NPRL3: variants seen among roughly 807,000 people sequenced by gnomAD.
NPRL3 encodes NPR3 like, GATOR1 complex subunit.
In NPRL3, 23 loss-of-function variants were observed where a neutral mutation model predicts 57.2. The observed-to-expected ratio is 0.40, with a 90% CI of 0.29 to 0.57. The LOEUF (loss-of-function observed/expected upper bound fraction) is 0.57. Among genes scored for constraint, NPRL3 ranks in the 20% least tolerant of loss-of-function variants. NPRL3 has a pLI of 0.42. For missense variants in NPRL3, 691 were observed against 767.1 expected (o/e 0.90, Z 1.17); for synonymous variants, 333 against 321.1 (o/e 1.04, Z -0.39).
chr16:95,198 A>G (rs1898934893), intron 9 of NPRL3, among the ~76,000 whole-genome samples: 1 of 152,116 alleles, frequency 6.6e-6, no homozygotes, highest in African/African-American at 2.4e-5. Flanking sequence ...AAAGTCCCAC[A>G]TGAGTTCACA....
At chr16:126,084 G>T (rs772456593) in intron 3 of NPRL3, 1 of 152,200 alleles carries the variant, frequency 6.6e-6, no homozygotes, top group Non-Finnish European at 1.5e-5. Context: ...AGAATTAAAG[G>T]CAGAGCTGGT....
intron 7 of NPRL3, among the ~76,000 whole-genome samples, chr16:100,740 T>A (rs1227377371): frequency 6.9e-6 from 1 of 145,154 alleles, no homozygotes; most frequent in Non-Finnish European, 1.5e-5. Context: ...GAGGCCAAGG[T>A]GGGCGGATCA....
At chr16:117,251 T>G in intron 5 of NPRL3, 50 bp downstream of exon 5, 1 of 1,324,108 alleles carries the variant, frequency 7.6e-7, no homozygotes, top group Non-Finnish European at 1.1e-6. Context: ...AAAGAGCTGC[T>G]TCTCCACTGG....
At chr16:88,673 T>A in intron 13 of NPRL3, 25 bp downstream of exon 13, 1 of 1,589,872 alleles carries the variant, frequency 6.3e-7, no homozygotes, top group South Asian at 1.1e-5. Flanking sequence ...CTGGCCCCAG[T>A]CCCAACGGGT....
At chr16:137,745 G>A (rs898068791) in intron 2 of NPRL3, among the ~76,000 whole-genome samples, 4 of 151,526 alleles carry the variant, frequency 2.6e-5, no homozygotes, top group African/African-American at 4.9e-5. Flanking sequence ...TATTTTTTCA[G>A]TAGAGACAGA....
intron 13 of NPRL3, among the ~76,000 whole-genome samples, chr16:88,139 C>T (rs532073536): frequency 6.6e-6 from 1 of 152,310 alleles, no homozygotes; most frequent in Non-Finnish European, 1.5e-5. Flanking sequence ...AGCCACATCA[C>T]CTTTAACATG....
At chr16:114,469 A>C (rs957159525) in intron 5 of NPRL3, among the ~76,000 whole-genome samples, 1 of 152,212 alleles carries the variant, frequency 6.6e-6, no homozygotes, top group Non-Finnish European at 1.5e-5. Context: ...AAATAGAACC[A>C]AGCCTTCAGA....
At chr16:109,772 A>G (rs1165094612) in intron 7 of NPRL3, among the ~76,000 whole-genome samples, 2 of 152,190 alleles carry the variant, frequency 1.3e-5, no homozygotes, top group Non-Finnish European at 2.9e-5. Flanking sequence ...CCAGTATAAC[A>G]GGTGGGGAAT....
chr16:121,609 A>G (rs1291660136), intron 3 of NPRL3, among the ~76,000 whole-genome samples: 9 of 135,110 alleles, frequency 6.7e-5, no homozygotes, highest in Non-Finnish European at 1.5e-4. Context: ...GACAGAGCGA[A>G]ACTCCGTCTC....
rs578038831 is a variant in NPRL3 at position 114,692 on chromosome 16, T to A, written c.394-1917A>T. On this transcript the variant is annotated intron_variant, in intron 5 of 13. Transcript: ENST00000611875. ...AAAGGCTTTAGCAATCAGGAGAAGC[T>A]TCAATGGACCAGGTACTAGGTGATG... Among the ~76,000 whole-genome samples the A allele has an allele frequency of 2.0e-5, 3 of 152,310 alleles. No homozygotes were observed. In the East Asian group the frequency reaches 5.8e-4, roughly 29 times the overall value.
chr16:135,668 A>G (rs1442843505), intron 2 of NPRL3, among the ~76,000 whole-genome samples: 1 of 150,630 alleles, frequency 6.6e-6, no homozygotes, highest in Non-Finnish European at 1.5e-5. Flanking sequence ...GGAGTTTTTT[A>G]TTGTTGTTGT....
chr16:93,395 A>ATGGTG (rs1898848921), intron 9 of NPRL3, 70 bp from the exon 10 acceptor site: 1 of 1,027,830 alleles, frequency 9.7e-7, no homozygotes, highest in African/African-American at 1.6e-5. Context: ...AGCAGCTCTC[A>ATGGTG]GCCTGGGTGG....
At chr16:138,033 C>T (rs750538083) in intron 2 of NPRL3, 117 bp downstream of exon 2, 7 of 705,044 alleles carry the variant, frequency 9.9e-6, no homozygotes, top group Non-Finnish European at 1.7e-5. Flanking sequence ...TACTCTACAA[C>T]GAGCAGATCT....
At chr16:102,308 A>G (rs1328855318) in intron 7 of NPRL3, among the ~76,000 whole-genome samples, 2 of 152,214 alleles carry the variant, frequency 1.3e-5, no homozygotes. Context: ...AGGAGATGCA[A>G]CTGCTCAAGC....
chr16:123,634 C>A (rs1900375399), intron 3 of NPRL3: 2 of 457,042 alleles, frequency 4.4e-6, no homozygotes, highest in Non-Finnish European at 9.0e-6. Flanking sequence ...TTTATAAAAA[C>A]TGCACAAAAG....
At chr16:98,358 A>ATGCACCAGGTCC (rs1401573486) in intron 8 of NPRL3, 57 bp from the exon 9 acceptor site, 7 of 1,569,752 alleles carry the variant, frequency 4.5e-6, no homozygotes, top group Non-Finnish European at 4.3e-6. Flanking sequence ...TGCACCGGGT[A>ATGCACCAGGTCC]TGCACCAGGT....
intron 1 of NPRL3, 90 bp from the exon 2 acceptor site, chr16:138,424 G>T (rs1901236690): frequency 3.6e-6 from 1 of 278,706 alleles, no homozygotes; most frequent in Non-Finnish European, 6.7e-6. Flanking sequence ...TGGAGGCGGA[G>T]GGGGCCTGAG....
At chr16:120,571 C>T (rs1287898333) in intron 3 of NPRL3, among the ~76,000 whole-genome samples, 1 of 152,186 alleles carries the variant, frequency 6.6e-6, no homozygotes, top group Non-Finnish European at 1.5e-5. Context: ...GACCCTCTAA[C>T]CATCCGAAGT....
intron 9 of NPRL3, 138 bp downstream of exon 9, chr16:98,007 C>A (rs991540550): frequency 9.4e-7 from 1 of 1,061,656 alleles, no homozygotes; most frequent in Non-Finnish European, 1.3e-6. Flanking sequence ...ATCCCAGGGA[C>A]TGGCCCCACC....
Sources: allele counts gnomAD v4.1 joint callset (sites outside exome capture counted in the v4.1 genomes callset), GRCh38; gene constraint gnomAD v4.1.1; transcripts MANE v1.5; gene names NCBI Gene and HGNC (gene_info 2026-07-23, HGNC 2026-07-21).